PCDHGA3: variants seen among roughly 807,000 people sequenced by gnomAD.
The protein encoded by PCDHGA3 is protocadherin gamma subfamily A, 3.
Under a neutral mutation model 58.5 loss-of-function variants are expected in PCDHGA3, and 40 were observed. That is an observed-to-expected ratio of 0.68 (90% CI 0.53 to 0.89). PCDHGA3 has a LOEUF of 0.89. PCDHGA3 is among the 40% of genes least tolerant of loss of function. The probability of loss-of-function intolerance (pLI) is 0.00; values close to 1 mark genes in which losing one functional copy is unlikely to be tolerated. For synonymous variants in PCDHGA3, 530 were observed against 525.7 expected, an observed-to-expected ratio of 1.01 and a Z score of -0.11; for missense variants, 1,223 against 1,195.9, an observed-to-expected ratio of 1.02 and a Z score of -0.33.
chr5:141,355,262 G>A lies in PCDHGA3; in HGVS notation c.2424+8805G>A, dbSNP rs374875511. ...CTGCTCCAGATCTGCCTTCTCCTGG[G>A]GGTTCTGGTGGAAATCAGGGCCGAA... On this transcript the variant is annotated intron_variant, in intron 1 of 3. Transcript: ENST00000253812. The A allele has an allele frequency of 3.7e-6, 6 of 1,613,470 alleles. No homozygotes were observed. The highest frequency in any genetic ancestry group is 5.1e-6 in the Non-Finnish European group (6 of 1,179,900).
intron 1 of PCDHGA3, chr5:141,355,764 G>T: frequency 1.2e-6 from 2 of 1,613,968 alleles, no homozygotes; most frequent in Non-Finnish European, 8.5e-7. Flanking sequence ...GGGCCGATGG[G>T]ATTAAGTACC....
Position 141,383,049 on chromosome 5 carries a change from G to C in PCDHGA3, c.2424+36592G>C, listed in dbSNP as rs779106714. 2.0e-5 allele frequency: 32 copies of C among 1,613,788 alleles called. No homozygotes were observed. Among genetic ancestry groups the C allele is most frequent in the Non-Finnish European group, 2.7e-5 (32 of 1,179,922 alleles). ...GGTCCTTTGTGGGAGACATCGCCAAGGACCTGGGGCTGGAGCCCCGGGAGC... is the reference window on the plus strand; with the variant it reads ...GGTCCTTTGTGGGAGACATCGCCAACGACCTGGGGCTGGAGCCCCGGGAGC... On this transcript the variant is annotated intron_variant, in intron 1 of 3. Coordinates refer to ENST00000253812, the MANE Select transcript of PCDHGA3 (RefSeq NM_018916.4).
intron 1 of PCDHGA3, chr5:141,376,660 T>C (rs1772971230): frequency 1.1e-6 from 1 of 886,650 alleles, no homozygotes; most frequent in African/African-American, 1.8e-5. Flanking sequence ...GACTCCCTTG[T>C]TCAGGTGAGG....
intron 1 of PCDHGA3, 82 bp from the exon 2 acceptor site, chr5:141,494,725 C>G: frequency 6.2e-7 from 1 of 1,610,026 alleles, no homozygotes; most frequent in East Asian, 2.2e-5. Flanking sequence ...CCCTCCTTCT[C>G]TCCCGGCCCA....
intron 1 of PCDHGA3, chr5:141,371,847 G>C: frequency 6.2e-7 from 1 of 1,613,670 alleles, no homozygotes; most frequent in Non-Finnish European, 8.5e-7. Flanking sequence ...GGGACCTAAT[G>C]GCCTTGTCTC....
At position 141,394,528 on chromosome 5, in the gene PCDHGA3, C is replaced by T. The variant is rs1465272752; in HGVS notation, c.2424+48071C>T. Reference sequence around the variant, plus strand: ...TACCCCGCCCTCCCCACAGACGGTTCCACTGGCGTGGAGCTGGCGCCCCGC... The same window carrying T: ...TACCCCGCCCTCCCCACAGACGGTTTCACTGGCGTGGAGCTGGCGCCCCGC... On this transcript the variant is annotated intron_variant, in intron 1 of 3. Transcript: ENST00000253812. 3 of 1,614,096 alleles carry T rather than the reference C, an allele frequency of 1.9e-6. No individual in the cohort carries two copies. The highest frequency in any genetic ancestry group is 2.5e-6 in the Non-Finnish European group (3 of 1,180,058).
Position 141,511,250 on chromosome 5 carries a change from CAG to C in PCDHGA3, c.*80_*81del. 2 of 1,571,674 alleles carry C rather than the reference CAG, an allele frequency of 1.3e-6. No homozygotes were observed. Among genetic ancestry groups the C allele is most frequent in the Non-Finnish European group, 1.7e-6 (2 of 1,158,794 alleles). On this transcript the variant is annotated 3_prime_UTR_variant, in exon 4 of 4. Transcript: ENST00000253812. ...CTTCTCCTTACCTGCACCCAGGCCT[CAG>C]AGTTTCAGGGCTAACCCCCAGAATA...
At position 141,364,968 on chromosome 5, in the gene PCDHGA3, C is replaced by T. The variant is rs368689829; in HGVS notation, c.2424+18511C>T. On this transcript the variant is annotated intron_variant, in intron 1 of 3. Transcript: ENST00000253812. ...GAGACTGTTCACGACCTCCTCCTCA[C>T]AGCTTTAGATGGCGGAGACCCGGTA... 166 of 1,613,836 alleles carry T rather than the reference C, an allele frequency of 1.0e-4. No homozygotes were observed. Among genetic ancestry groups the T allele is most frequent in the Non-Finnish European group, 1.4e-4 (162 of 1,179,906 alleles).
chr5:141,394,746 G>A (rs1380467870), intron 1 of PCDHGA3: 3 of 1,613,418 alleles, frequency 1.9e-6, no homozygotes. Flanking sequence ...CCTCGTGGTG[G>A]CCGTCCAGGA....
At chr5:141,427,470 G>A (rs765970767) in intron 1 of PCDHGA3, 8 of 509,992 alleles carry the variant, frequency 1.6e-5, no homozygotes, top group African/African-American at 7.7e-5. Flanking sequence ...CGAATCTTCC[G>A]CCAATAATGA....
rs562410567 is a variant in PCDHGA3 at position 141,413,096 on chromosome 5, G to A, written c.2424+66639G>A. On this transcript the variant is annotated intron_variant, in intron 1 of 3. Transcript: ENST00000253812. ...GCCCAGGCTACAGAGACACCCTGAA[G>A]CCACAGAAAGACAAAGGAACCGGTT... 25 of 1,445,574 alleles carry A rather than the reference G, an allele frequency of 1.7e-5. No homozygotes were observed. The African/African-American group carries it at 3.3e-4, about 19-fold the overall frequency. The allele number at this position is 1,445,574 out of a possible 1,614,324, so 89.5% of individuals were successfully genotyped here.
intron 1 of PCDHGA3, chr5:141,400,143 T>G: frequency 6.2e-7 from 1 of 1,614,104 alleles, no homozygotes; most frequent in Non-Finnish European, 8.5e-7. Context: ...CGGATATCAC[T>G]GACCGCCCTG....
chr5:141,418,945 A>G, intron 1 of PCDHGA3: 3 of 1,614,062 alleles, frequency 1.9e-6, no homozygotes, highest in Non-Finnish European at 2.5e-6. Flanking sequence ...ATTCCCCTCC[A>G]GGAGTGGTTG....
intron 1 of PCDHGA3, among the ~76,000 whole-genome samples, chr5:141,452,068 A>G (rs554365813): frequency 1.1e-3 from 160 of 152,308 alleles, no homozygotes; most frequent in Middle Eastern, 6.8e-3. Flanking sequence ...TTCTACTTTT[A>G]TTAGTTGGCA....
At chr5:141,370,547 C>T in intron 1 of PCDHGA3, 1 of 1,613,888 alleles carries the variant, frequency 6.2e-7, no homozygotes, top group Non-Finnish European at 8.5e-7. Flanking sequence ...GGAACCTCGC[C>T]AAGGACCTGG....
intron 1 of PCDHGA3, chr5:141,394,322 G>A (rs1438978424): frequency 1.9e-6 from 3 of 1,613,842 alleles, no homozygotes; most frequent in African/African-American, 1.3e-5. Flanking sequence ...CCCTGTCCTC[G>A]TATATCTCCA....
intron 1 of PCDHGA3, among the ~76,000 whole-genome samples, chr5:141,465,063 C>T (rs187265709): frequency 8.5e-4 from 129 of 151,534 alleles, no homozygotes; most frequent in South Asian, 1.3e-3. Context: ...TTTGAATTGT[C>T]TGTTCATGTC....
chr5:141,370,350 A>G (rs1454225178), intron 1 of PCDHGA3: 1 of 1,496,326 alleles, frequency 6.7e-7, no homozygotes, highest in Non-Finnish European at 9.0e-7. Flanking sequence ...TTATTTAAAG[A>G]TCTCCTCTCC....
chr5:141,354,596 C>T (rs1759587882), intron 1 of PCDHGA3, among the ~76,000 whole-genome samples: 2 of 152,350 alleles, frequency 1.3e-5, no homozygotes, highest in South Asian at 4.1e-4. Context: ...AAAGCCAGAC[C>T]TCCAAGTTCC....
Sources: gnomAD v4.1 joint callset for allele counts (sites outside exome capture counted in the v4.1 genomes callset) on GRCh38, gnomAD v4.1.1 for gene constraint, MANE v1.5 for transcripts, NCBI Gene and HGNC (gene_info 2026-07-23, HGNC 2026-07-21) for gene names.